The following MYO1E variants were observed in gnomAD, a reference collection of about 807,000 sequenced individuals.
MYO1E encodes the protein myosin IE.
MYO1E carries 68 observed loss-of-function variants against 151.1 expected under a neutral mutation model. The ratio of observed to expected loss-of-function variants is 0.45; its 90% CI spans 0.37 to 0.55. The LOEUF (loss-of-function observed/expected upper bound fraction) is 0.55, where lower values mean the gene tolerates loss of function less well. Ranked by LOEUF, MYO1E falls within the 20% of genes least tolerant of loss-of-function variation. The pLI is 0.00. For synonymous variants in MYO1E, 601 were observed against 501.7 expected (o/e 1.20, Z -2.64); for missense variants, 1,363 against 1,389.3 (o/e 0.98, Z 0.30).
chr15:59,334,112 C>G (rs2080713994), intron 1 of MYO1E, among the ~76,000 whole-genome samples: 1 of 152,128 alleles, frequency 6.6e-6, no homozygotes, highest in Admixed American at 6.6e-5. Context: ...GACACTCCAT[C>G]TGTACAAAAA....
chr15:59,272,529 A>C, intron 1 of MYO1E, 80 bp from the exon 2 acceptor site: 1 of 1,416,470 alleles, frequency 7.1e-7, no homozygotes, highest in South Asian at 1.2e-5. Context: ...TTAATTTCCC[A>C]AATATTCTTA....
intron 23 of MYO1E, among the ~76,000 whole-genome samples, chr15:59,161,572 G>T (rs774858247): frequency 6.6e-6 from 1 of 152,204 alleles, no homozygotes; most frequent in Non-Finnish European, 1.5e-5. Flanking sequence ...AGGTCATACC[G>T]CTGTGCTGTC....
At chr15:59,138,956 C>T (rs1393387225) in intron 26 of MYO1E, among the ~76,000 whole-genome samples, 1 of 152,136 alleles carries the variant, frequency 6.6e-6, no homozygotes. Context: ...CTGATGCCTG[C>T]AGCTATCGTT....
At chr15:59,253,409 G>A (rs1350928136) in intron 4 of MYO1E, among the ~76,000 whole-genome samples, 1 of 151,528 alleles carries the variant, frequency 6.6e-6, no homozygotes, top group Non-Finnish European at 1.5e-5. Context: ...CGAAGAGAGA[G>A]CAACAGGCAT....
At chr15:59,257,680 G>A (rs1000740168) in intron 3 of MYO1E, among the ~76,000 whole-genome samples, 1 of 152,092 alleles carries the variant, frequency 6.6e-6, no homozygotes, top group African/African-American at 2.4e-5. Context: ...CTTTGTATCC[G>A]ATACCCAGTG....
Position 59,188,128 on chromosome 15 carries a change from AT to A in MYO1E, c.1893del (p.Lys631AsnfsTer9). 1 of 1,613,552 alleles carries A rather than the reference AT, an allele frequency of 6.2e-7. No individual in the cohort carries two copies. ...AGYAYRRIFQ[K>X]FLQRYAILTK... ...TCACTAGTTCATTACCTCTGTAGGA[AT>A]TTTTGGAAGATGCGCCGATAGGCAT... On this transcript the variant is annotated frameshift_variant, in exon 18 of 28. Coordinates refer to ENST00000288235, the MANE Select transcript of MYO1E (RefSeq NM_004998.4). LOFTEE classifies it high-confidence loss of function.
intron 16 of MYO1E, among the ~76,000 whole-genome samples, chr15:59,197,515 C>CA (rs2079775216): frequency 6.6e-6 from 1 of 152,220 alleles, no homozygotes; most frequent in Non-Finnish European, 1.5e-5. Flanking sequence ...TTACGCCTCA[C>CA]AACAACCTGA....
intron 5 of MYO1E, among the ~76,000 whole-genome samples, chr15:59,236,290 C>T (rs1231088925): frequency 6.7e-6 from 1 of 150,144 alleles, no homozygotes; most frequent in African/African-American, 2.4e-5. Context: ...TTGTGGTGAG[C>T]CGAGATCGCG....
intron 18 of MYO1E, among the ~76,000 whole-genome samples, chr15:59,180,777 G>A (rs1185904581): frequency 6.6e-6 from 1 of 152,118 alleles, no homozygotes; most frequent in Non-Finnish European, 1.5e-5. Context: ...TCTTTCTCTA[G>A]GATATACTCA....
At chr15:59,140,404 A>G (rs989742790) in intron 26 of MYO1E, among the ~76,000 whole-genome samples, 1 of 152,254 alleles carries the variant, frequency 6.6e-6, no homozygotes, top group Admixed American at 6.5e-5. Context: ...AGGAAAACGG[A>G]AACATGGAGA....
intron 1 of MYO1E, among the ~76,000 whole-genome samples, chr15:59,337,142 G>C (rs1434317484): frequency 3.3e-5 from 5 of 152,080 alleles, no homozygotes; most frequent in Admixed American, 2.0e-4. Flanking sequence ...TTCTTATGGA[G>C]GTGTTTTATT....
chr15:59,186,130 T>G (rs2079695944), intron 18 of MYO1E, among the ~76,000 whole-genome samples: 1 of 152,236 alleles, frequency 6.6e-6, no homozygotes, highest in Non-Finnish European at 1.5e-5. Context: ...ATAGGCGTAC[T>G]GACGTCTTTA....
intron 1 of MYO1E, among the ~76,000 whole-genome samples, chr15:59,334,571 T>C (rs2080717375): frequency 6.6e-6 from 1 of 151,772 alleles, no homozygotes; most frequent in Non-Finnish European, 1.5e-5. Flanking sequence ...GGTAACAGCA[T>C]ATTCCCCCCA....
intron 1 of MYO1E, among the ~76,000 whole-genome samples, chr15:59,359,289 ATATATG>A: frequency 6.8e-6 from 1 of 146,190 alleles, no homozygotes; most frequent in South Asian, 2.1e-4. Flanking sequence ...ACATATATAT[ATATATG>A]TATGTGTATA....
intron 19 of MYO1E, among the ~76,000 whole-genome samples, chr15:59,175,800 C>T (rs557753592): frequency 2.0e-5 from 3 of 152,118 alleles, no homozygotes; most frequent in Non-Finnish European, 2.9e-5. Flanking sequence ...AACAGGCAAA[C>T]GATTCCCAAC....
At chr15:59,160,729 C>A (rs543355214) in intron 24 of MYO1E, among the ~76,000 whole-genome samples, 1 of 152,036 alleles carries the variant, frequency 6.6e-6, no homozygotes, top group South Asian at 2.1e-4. Context: ...CAGTCAATTT[C>A]TTTAAAGGTG....
chr15:59,160,351 GT>G (rs1430242532), intron 24 of MYO1E, among the ~76,000 whole-genome samples: 1 of 145,322 alleles, frequency 6.9e-6, no homozygotes, highest in East Asian at 2.0e-4. Flanking sequence ...GTGTGTGTGT[GT>G]GTGTGTGTGT....
rs191436034 is a variant in MYO1E, at chr15:59,272,775, A to T, written c.4-326T>A. On this transcript the variant is annotated intron_variant, in intron 1 of 27. Coordinates refer to ENST00000288235, the MANE Select transcript of MYO1E (RefSeq NM_004998.4). ...AATAAAATAATATGTGTGAAGTGCT[A>T]AACAGTGTCAGGAATACAGCACAAC... 6.1e-3 allele frequency among the ~76,000 whole-genome samples: 923 copies of T among 152,316 alleles called. 14 individuals carry two copies. Among genetic ancestry groups the T allele is most frequent in the African/African-American group, 0.021 (886 of 41,560 alleles).
chr15:59,370,587 C>T (rs1185299035), intron 1 of MYO1E, among the ~76,000 whole-genome samples: 1 of 152,220 alleles, frequency 6.6e-6, no homozygotes, highest in East Asian at 1.9e-4. Flanking sequence ...AGGGAAGTCA[C>T]ACACTGTCCT....
Sources: allele counts gnomAD v4.1 joint callset (sites outside exome capture counted in the v4.1 genomes callset), GRCh38; gene constraint gnomAD v4.1.1; transcripts MANE v1.5; gene names NCBI Gene and HGNC (gene_info 2026-07-23, HGNC 2026-07-21).